Variants in BMAL1 observed in about 807,000 individuals in gnomAD.
BMAL1 encodes basic helix-loop-helix ARNT like 1, also known as basic helix-loop-helix ARNT-like protein 1.
chr11:13,358,152 G>A, the BMAL1 span, among the ~76,000 whole-genome samples: 1,039 of 152,278 alleles, frequency 6.8e-3, 10 homozygotes, highest in African/African-American at 0.023. Context: ...GAAAAGAAAC[G>A]AGGAGAAATG....
chr11:13,286,752 C>G, the BMAL1 span, among the ~76,000 whole-genome samples: 1 of 152,248 alleles, frequency 6.6e-6, no homozygotes, highest in African/African-American at 2.4e-5. Context: ...GATAAGATTT[C>G]TGTGTTCTTG....
chr11:13,386,143 GAA>G, the BMAL1 span, among the ~76,000 whole-genome samples: 2 of 152,200 alleles, frequency 1.3e-5, no homozygotes, highest in Admixed American at 6.5e-5. Flanking sequence ...GTCATTAAGT[GAA>G]AAGAGTTTGC....
the BMAL1 span, among the ~76,000 whole-genome samples, chr11:13,297,877 T>G: frequency 2.6e-5 from 4 of 152,208 alleles, no homozygotes; most frequent in Non-Finnish European, 5.9e-5. Flanking sequence ...GTGTGGTGAT[T>G]GCAGTAGCCT....
the BMAL1 span, chr11:13,374,070 T>C: frequency 3.1e-6 from 5 of 1,602,060 alleles, no homozygotes; most frequent in Non-Finnish European, 4.3e-6. Context: ...TTTTCTTCTT[T>C]AAATATTCCT....
At chr11:13,376,848 CGAG>C in the BMAL1 span, 1 of 884,932 alleles carries the variant, frequency 1.1e-6, no homozygotes, top group Non-Finnish European at 1.7e-6. Flanking sequence ...AGGGAGGCCT[CGAG>C]GGGATGATGT....
chr11:13,321,539 C>T, the BMAL1 span, among the ~76,000 whole-genome samples: 45 of 152,100 alleles, frequency 3.0e-4, no homozygotes, highest in Admixed American at 2.2e-3. Context: ...GGGTCCTGCT[C>T]ATAGTAGGTG....
chr11:13,379,213 T>TA, the BMAL1 span: 1 of 152,230 alleles, frequency 6.6e-6, no homozygotes, highest in African/African-American at 2.4e-5. Context: ...AATCTGTCTT[T>TA]AAGAGCAGTC....
the BMAL1 span, among the ~76,000 whole-genome samples, chr11:13,323,988 T>C: frequency 3.9e-5 from 6 of 152,262 alleles, no homozygotes; most frequent in African/African-American, 1.4e-4. Flanking sequence ...TTTCAATACA[T>C]ATAATCTGTA....
At chr11:13,367,501 AACCAACCTG>A in the BMAL1 span, among the ~76,000 whole-genome samples, 1 of 151,954 alleles carries the variant, frequency 6.6e-6, no homozygotes, top group Admixed American at 6.6e-5. Flanking sequence ...AGGGGTTTGC[AACCAACCTG>A]GCCAACATGG....
the BMAL1 span, among the ~76,000 whole-genome samples, chr11:13,302,763 C>T: frequency 1.3e-5 from 2 of 152,230 alleles, no homozygotes. Flanking sequence ...TCCGCACACA[C>T]TTGTCATCGC....
the BMAL1 span, among the ~76,000 whole-genome samples, chr11:13,313,399 C>T: frequency 1.3e-5 from 2 of 152,152 alleles, no homozygotes; most frequent in East Asian, 3.9e-4. Flanking sequence ...CGGTCTGAAC[C>T]TCCTCCCAGT....
the BMAL1 span, chr11:13,376,874 A>G: frequency 4.4e-6 from 3 of 674,576 alleles, no homozygotes; most frequent in Non-Finnish European, 7.4e-6. Flanking sequence ...GGATTTCCCC[A>G]TGAATGCAGA....
At chr11:13,354,939 T>G in the BMAL1 span, 1 of 254,658 alleles carries the variant, frequency 3.9e-6, no homozygotes, top group Non-Finnish European at 7.6e-6. Flanking sequence ...TAAACATTAT[T>G]TAAATTAGTA....
the BMAL1 span, among the ~76,000 whole-genome samples, chr11:13,302,243 G>A: frequency 6.6e-6 from 1 of 152,172 alleles, no homozygotes; most frequent in Non-Finnish European, 1.5e-5. Context: ...GGTCTGGGCT[G>A]AGGAGAAAGC....
chr11:13,351,718 G>C, the BMAL1 span, among the ~76,000 whole-genome samples: 1 of 152,306 alleles, frequency 6.6e-6, no homozygotes, highest in Non-Finnish European at 1.5e-5. Context: ...CAAGCCAAGA[G>C]ACAGTGAGAA....
the BMAL1 span, chr11:13,387,080 A>C: frequency 0.01 from 2,173 of 212,466 alleles, 11 homozygotes; most frequent in Non-Finnish European, 0.016. Flanking sequence ...TTATATGCAA[A>C]TGGTCATTTC....
chr11:13,379,359 A>G, the BMAL1 span: 10 of 152,188 alleles, frequency 6.6e-5, no homozygotes, highest in Non-Finnish European at 1.5e-4. Flanking sequence ...TCTCAGGAGA[A>G]TTAGAGGCTG....
At chr11:13,352,878 A>G in the BMAL1 span, among the ~76,000 whole-genome samples, 6 of 151,984 alleles carry the variant, frequency 3.9e-5, no homozygotes, top group Admixed American at 2.6e-4. Context: ...CGGAGCTCAG[A>G]CCCCCTGGCT....
chr11:13,287,688 G>A, the BMAL1 span, among the ~76,000 whole-genome samples: 2 of 152,182 alleles, frequency 1.3e-5, no homozygotes. Context: ...TATTCTTCAG[G>A]TTGGTCAGGT....
Sources: gnomAD v4.1 joint callset for allele counts (sites outside exome capture counted in the v4.1 genomes callset) on GRCh38, gnomAD v4.1.1 for gene constraint, MANE v1.5 for transcripts, NCBI Gene and HGNC (gene_info 2026-07-23, HGNC 2026-07-21) for gene names.